SLC2A5: variants seen among roughly 807,000 people sequenced by gnomAD.
The protein encoded by SLC2A5 is solute carrier family 2 member 5.
Under a neutral mutation model 50.3 loss-of-function variants are expected in SLC2A5, and 56 were observed. The ratio of observed to expected loss-of-function variants is 1.11; its 90% CI spans 0.90 to 1.39. The LOEUF (loss-of-function observed/expected upper bound fraction) is 1.39. Ranked by LOEUF, SLC2A5 falls within the 40% of genes most tolerant of loss-of-function variation. The pLI is 0.00. For synonymous variants in SLC2A5, 269 were observed against 281.9 expected, an observed-to-expected ratio of 0.95 and a Z score of 0.46; for missense variants, 566 against 650.1, an observed-to-expected ratio of 0.87 and a Z score of 1.41.
At chr1:9,070,072 GTTTTTT>G (rs56828280), upstream of SLC2A5, among the ~76,000 whole-genome samples, 4 of 62,514 alleles carry the variant, frequency 6.4e-5, no homozygotes, top group African/African-American at 3.5e-4. Flanking sequence ...CTCATTTTCT[GTTTTTT>G]TTTTTTTTTT....
chr1:9,039,279 G>A lies in SLC2A5; in HGVS notation c.996+273C>T, dbSNP rs529860044. 1.2e-4 allele frequency among the ~76,000 whole-genome samples: 18 copies of A among 152,348 alleles called. No individual in the cohort carries two copies. The East Asian group carries it at 3.5e-3, about 29-fold the overall frequency. On this transcript the variant is annotated intron_variant, in intron 8 of 11. Transcript: ENST00000377424. ...TCCCGAGGTGGCCGAGCCTCACTCC[G>A]GGTAGCCCGGGCTCGGAGCCACCCA...
At position 9,041,925 on chromosome 1, in the gene SLC2A5, T is replaced by C; in HGVS notation, c.431A>G (p.Asn144Ser). The change falls in exon 5 of 12, where the codon AAC becomes AGC. Residue 144 changes from asparagine (N) to serine (S), a missense_variant. Coordinates refer to ENST00000377424, the MANE Select transcript of SLC2A5 (RefSeq NM_003039.3). ...CTCCCCTAAGTACATGGGGACCACG[T>C]TGGAAGATACACCTGGGAGGAGGTG... Reference protein sequence around the residue: ...LVGICAGVSSNVVPMYLGELA... With the variant: ...LVGICAGVSSSVVPMYLGELA... 2 of 1,605,052 alleles carry C rather than the reference T, an allele frequency of 1.2e-6. No homozygotes were observed. The highest frequency in any genetic ancestry group is 1.7e-6 in the Non-Finnish European group (2 of 1,175,938).
At chr1:9,051,265 C>CAAAGAAAG (rs145842598) in intron 3 of SLC2A5, among the ~76,000 whole-genome samples, 1 of 150,958 alleles carries the variant, frequency 6.6e-6, no homozygotes, top group African/African-American at 2.4e-5. Flanking sequence ...GAGAGAGAGA[C>CAAAGAAAG]AAAGAAAGAA....
upstream of SLC2A5, among the ~76,000 whole-genome samples, chr1:9,089,669 C>A (rs1223438427): frequency 6.6e-6 from 1 of 152,210 alleles, no homozygotes; most frequent in Non-Finnish European, 1.5e-5. Context: ...ATGTGGCAAC[C>A]CTGGACGCTG....
intron 4 of SLC2A5, among the ~76,000 whole-genome samples, chr1:9,045,625 C>A (rs759706030): frequency 6.6e-6 from 1 of 152,032 alleles, no homozygotes; most frequent in Non-Finnish European, 1.5e-5. Flanking sequence ...TGGTGGCTCA[C>A]GCCTGTAATC....
chr1:9,070,490 AG>A (rs899445891), upstream of SLC2A5, among the ~76,000 whole-genome samples: 1 of 152,138 alleles, frequency 6.6e-6, no homozygotes, highest in African/African-American at 2.4e-5. Context: ...CAGGCAGGGC[AG>A]GGAAAATGAG....
chr1:9,068,148 C>T (rs1642130172), intron 1 of SLC2A5, among the ~76,000 whole-genome samples: 1 of 140,398 alleles, frequency 7.1e-6, no homozygotes, highest in South Asian at 2.3e-4. Context: ...CTTGATCGCA[C>T]CACTGTACTT....
chr1:9,082,483 G>T (rs989470675), intron 2 of SLC2A5, among the ~76,000 whole-genome samples: 3 of 152,174 alleles, frequency 2.0e-5, no homozygotes, highest in African/African-American at 7.2e-5. Flanking sequence ...GGAGGCTGAG[G>T]TCGGAGGATT....
chr1:9,082,912 C>T (rs1312820535), intron 2 of SLC2A5: 3 of 250,644 alleles, frequency 1.2e-5, no homozygotes, highest in East Asian at 2.6e-4. Context: ...TTGGTGGCTG[C>T]CAGGGGCTGG....
upstream of SLC2A5, among the ~76,000 whole-genome samples, chr1:9,090,187 A>G (rs2124492452): frequency 6.6e-6 from 1 of 152,226 alleles, no homozygotes; most frequent in African/African-American, 2.4e-5. Context: ...TTGGCCCTAA[A>G]CCAAAGCCAC....
At chr1:9,062,270 A>G (rs1314098560) in intron 1 of SLC2A5, among the ~76,000 whole-genome samples, 2 of 152,254 alleles carry the variant, frequency 1.3e-5, no homozygotes, top group African/African-American at 4.8e-5. Flanking sequence ...AACTGTAGTA[A>G]GTACTAAGAA....
At chr1:9,041,646 C>T (rs1019858626) in intron 5 of SLC2A5, 139 bp downstream of exon 5, 7 of 1,523,640 alleles carry the variant, frequency 4.6e-6, no homozygotes, top group South Asian at 2.6e-5. Context: ...ACAGGATGGG[C>T]CCCCCAAGGA....
chr1:9,057,652 G>A, intron 2 of SLC2A5, 44 bp from the exon 3 acceptor site: 1 of 1,579,520 alleles, frequency 6.3e-7, no homozygotes, highest in South Asian at 1.1e-5. Flanking sequence ...ATTTGATCCG[G>A]TTTTGCAAGA....
In SLC2A5 at chr1:9,053,488, T is replaced by TATATA. The variant is rs1491199481; in HGVS notation, c.293+3959_293+3960insTATAT. On this transcript the variant is annotated intron_variant, in intron 3 of 11. Coordinates refer to ENST00000377424, the MANE Select transcript of SLC2A5 (RefSeq NM_003039.3). The stretch of plus-strand genomic sequence containing the variant: ...TATATATATTTATATATATTATATA[T>TATATA]TTATATATAATATATATTATATATT... Among the ~76,000 whole-genome samples the TATATA allele has an allele frequency of 4.8e-5, 4 of 83,738 alleles. 1 individual carries two copies. The highest frequency in any genetic ancestry group is 2.0e-4 in the African/African-American group (4 of 19,944). 54.9% of individuals were successfully genotyped at this position (83,738 alleles called of 152,430 possible).
At chr1:9,081,760 T>G (rs146984374) in intron 2 of SLC2A5, among the ~76,000 whole-genome samples, 1 of 152,048 alleles carries the variant, frequency 6.6e-6, no homozygotes, top group South Asian at 2.1e-4. Flanking sequence ...TTAGGATGGC[T>G]ATCATACTTA....
At chr1:9,081,006 A>T (rs1045074323) in intron 2 of SLC2A5, among the ~76,000 whole-genome samples, 2 of 152,208 alleles carry the variant, frequency 1.3e-5, no homozygotes, top group Non-Finnish European at 2.9e-5. Context: ...TCAGAGGCTG[A>T]GGTAGGCAAA....
At chr1:9,083,899 C>T (rs1642377882) in intron 2 of SLC2A5, among the ~76,000 whole-genome samples, 1 of 152,140 alleles carries the variant, frequency 6.6e-6, no homozygotes, top group South Asian at 2.1e-4. Flanking sequence ...AATCCCAGCA[C>T]TTTGGGAGGC....
At chr1:9,055,362 A>G (rs1641722751) in intron 3 of SLC2A5, among the ~76,000 whole-genome samples, 1 of 151,992 alleles carries the variant, frequency 6.6e-6, no homozygotes, top group South Asian at 2.1e-4. Flanking sequence ...ATAAAGATAC[A>G]AAAAATTAGC....
Position 9,069,575 on chromosome 1 carries a change from T to C in SLC2A5, c.-39A>G. 6.2e-7 allele frequency: 1 copy of C among 1,612,950 alleles called. No individual in the cohort carries two copies. Among genetic ancestry groups the C allele is most frequent in the Non-Finnish European group, 8.5e-7 (1 of 1,179,234 alleles). ...GGGCAGAGTGCCGCTCACCTCCTTT[T>C]AGCCAAAGTAACGCGTGCACTGAAT... On this transcript the variant is annotated 5_prime_UTR_variant, in exon 1 of 12. An upstream open reading frame in the 5' UTR loses its in-frame stop. Transcript: ENST00000377424.
Sources: allele counts gnomAD v4.1 joint callset (sites outside exome capture counted in the v4.1 genomes callset), GRCh38; gene constraint gnomAD v4.1.1; transcripts MANE v1.5; gene names NCBI Gene and HGNC (gene_info 2026-07-23, HGNC 2026-07-21).